ROR1: variants seen among roughly 807,000 people sequenced by gnomAD.
The protein encoded by ROR1 is ROR family WNT receptor 1.
In ROR1, 19 loss-of-function variants were observed where a neutral mutation model predicts 78.8. That is an observed-to-expected ratio of 0.24 (90% CI 0.17 to 0.35). The LOEUF (loss-of-function observed/expected upper bound fraction) is 0.35. ROR1 is among the 10% of genes least tolerant of loss of function. The pLI is 1.00. For missense variants in ROR1, 917 were observed against 1,177.8 expected (o/e 0.78, Z 3.24); for synonymous variants, 386 against 433.6 (o/e 0.89, Z 1.36).
chr1:63,833,082 A>G (rs1644998688), intron 1 of ROR1, among the ~76,000 whole-genome samples: 2 of 152,172 alleles, frequency 1.3e-5, no homozygotes, highest in Admixed American at 1.3e-4. Context: ...TTACTGCACA[A>G]TTTTGCATAG....
chr1:64,036,490 G>A (rs1455717826), intron 2 of ROR1, among the ~76,000 whole-genome samples: 2 of 152,138 alleles, frequency 1.3e-5, no homozygotes, highest in Non-Finnish European at 2.9e-5. Context: ...CTCCCATCAT[G>A]TATTCTCTGT....
At chr1:64,079,697 G>A (rs1647084322) in intron 4 of ROR1, among the ~76,000 whole-genome samples, 1 of 152,120 alleles carries the variant, frequency 6.6e-6, no homozygotes, top group Non-Finnish European at 1.5e-5. Flanking sequence ...GGCCAGGCTG[G>A]TCTTGAACTC....
At chr1:64,059,249 A>T (rs1047184044) in intron 4 of ROR1, among the ~76,000 whole-genome samples, 1 of 152,190 alleles carries the variant, frequency 6.6e-6, no homozygotes, top group Non-Finnish European at 1.5e-5. Flanking sequence ...GTTGGCAAAG[A>T]ACTAACTTTC....
intron 1 of ROR1, among the ~76,000 whole-genome samples, chr1:63,893,939 T>A (rs1342357806): frequency 6.6e-6 from 1 of 152,180 alleles, no homozygotes; most frequent in East Asian, 1.9e-4. Context: ...GCATACGATT[T>A]TTTTCTTTCC....
chr1:63,876,645 GGTGTGTGTGTGTGT>G (rs367954652), intron 1 of ROR1, among the ~76,000 whole-genome samples: 6 of 130,662 alleles, frequency 4.6e-5, no homozygotes, highest in East Asian at 2.1e-4. Context: ...CCACGAAAGG[GGTGTGTGTGTGTGT>G]GTGTGTGTGT....
intron 1 of ROR1, among the ~76,000 whole-genome samples, chr1:63,961,078 C>T (rs1331890856): frequency 6.6e-6 from 1 of 151,892 alleles, no homozygotes; most frequent in African/African-American, 2.4e-5. Flanking sequence ...TCTCTTTTTC[C>T]CTTTCCTTCT....
At chr1:63,872,984 A>C (rs1344324212) in intron 1 of ROR1, among the ~76,000 whole-genome samples, 1 of 152,160 alleles carries the variant, frequency 6.6e-6, no homozygotes, top group African/African-American at 2.4e-5. Context: ...GGGTATTTAC[A>C]TTCCCAGGAT....
chr1:63,924,959 GA>G (rs1359677278), intron 1 of ROR1, among the ~76,000 whole-genome samples: 1 of 107,666 alleles, frequency 9.3e-6, no homozygotes, highest in African/African-American at 3.4e-5. Context: ...TTTTTTTTAA[GA>G]AAAAACTTCC....
At position 64,177,734 on chromosome 1, in the gene ROR1, A is replaced by C. The variant is rs140939080; in HGVS notation, c.1693A>C (p.Ile565Leu). The C allele has an allele frequency of 1.9e-6, 3 of 1,614,096 alleles. No homozygotes were observed. Among genetic ancestry groups the C allele is most frequent in the African/African-American group, 2.7e-5 (2 of 74,940 alleles). Residue 565 changes from isoleucine to leucine, a missense_variant, in exon 9 of 9, where the codon ATC becomes CTC. Around this residue, in one of 3 missense-constraint regions of ROR1, gnomAD observed 835 missense variants for 1,069.8 expected, o/e 0.78. Transcript: ENST00000371079. The stretch of plus-strand genomic sequence containing the variant: ...TCAGGGGGATCTCCATGAGTTCCTC[A>C]TCATGAGATCCCCACACTCTGATGT... ...INQGDLHEFL[I>L]MRSPHSDVGC...
chr1:64,070,285 C>T (rs1646992949), intron 4 of ROR1, among the ~76,000 whole-genome samples: 1 of 152,104 alleles, frequency 6.6e-6, no homozygotes, highest in Non-Finnish European at 1.5e-5. Context: ...GCATTGAAGC[C>T]ATGCATACCT....
chr1:63,914,549 C>T (rs1055816634), intron 1 of ROR1, among the ~76,000 whole-genome samples: 3 of 152,248 alleles, frequency 2.0e-5, no homozygotes, highest in Non-Finnish European at 2.9e-5. Context: ...ACCTGTAAGT[C>T]GAGGTAGGAA....
chr1:63,845,707 T>C (rs553955784), intron 1 of ROR1, among the ~76,000 whole-genome samples: 1 of 152,338 alleles, frequency 6.6e-6, no homozygotes, highest in South Asian at 2.1e-4. Flanking sequence ...TATTGTGTTC[T>C]GATCTCTGAT....
Position 64,177,925 on chromosome 1 carries a change from T to C in ROR1, c.1884T>C (p.His628=), listed in dbSNP as rs1278392022. Residue 628 remains histidine (H), a synonymous_variant, in exon 9 of 9, where the codon CAT becomes CAC. Transcript: ENST00000371079. ...ARNILIGEQL[H]VKISDLGLSR... is the part of the protein sequence containing the mutation. ...ATATTTTAATCGGAGAGCAACTTCA[T>C]GTAAAGATTTCAGACTTGGGGCTTT... 3 of 1,614,114 alleles carry C rather than the reference T, an allele frequency of 1.9e-6. No individual in the cohort carries two copies. The highest frequency in any genetic ancestry group is 3.3e-5 in the Admixed American group (2 of 60,014).
At chr1:64,094,933 A>G (rs1647259685) in intron 4 of ROR1, 2 of 152,258 alleles carry the variant, frequency 1.3e-5, no homozygotes, top group South Asian at 4.2e-4. Flanking sequence ...AAACCAAACA[A>G]TCCTACTGAC....
chr1:64,016,220 A>G (rs1054173403), intron 2 of ROR1, among the ~76,000 whole-genome samples: 1 of 152,184 alleles, frequency 6.6e-6, no homozygotes, highest in African/African-American at 2.4e-5. Context: ...TGAGACTCCA[A>G]TGCTGCGTGA....
In ROR1 at chr1:63,774,518, G is replaced by GCCCGCCGGCC. The variant is rs1644600279; in HGVS notation, c.91+17_91+26dup. ...GGGGCTGCTGCCCAAGGTAAGAGGC[G>GCCCGCCGGCC]CCCGCCGGCCCCCGCCCGCCCAGAC... On this transcript the variant is annotated intron_variant, in intron 1 of 8. Coordinates refer to ENST00000371079, the MANE Select transcript of ROR1 (RefSeq NM_005012.4). This position sits in a 1 kb window ranked among gnomAD's most constrained non-coding sequence, Gnocchi z 5.7. The GCCCGCCGGCC allele has an allele frequency of 9.0e-7, 1 of 1,110,070 alleles. No homozygotes were observed. Among genetic ancestry groups the GCCCGCCGGCC allele is most frequent in the African/African-American group, 1.7e-5 (1 of 60,048 alleles). 68.8% of individuals were successfully genotyped at this position (1,110,070 alleles called of 1,614,324 possible).
chr1:63,828,766 C>G (rs1644969923), intron 1 of ROR1, among the ~76,000 whole-genome samples: 1 of 152,178 alleles, frequency 6.6e-6, no homozygotes, highest in African/African-American at 2.4e-5. Context: ...ATATTAGCTA[C>G]TATTCTCCTC....
chr1:63,923,105 G>A (rs1165727566), intron 1 of ROR1, among the ~76,000 whole-genome samples: 1 of 152,128 alleles, frequency 6.6e-6, no homozygotes, highest in Non-Finnish European at 1.5e-5. Context: ...ATAACCCTGG[G>A]CGACTGATGT....
chr1:63,935,102 G>T (rs1832802), intron 1 of ROR1, among the ~76,000 whole-genome samples: 10 of 145,196 alleles, frequency 6.9e-5, no homozygotes, highest in African/African-American at 2.3e-4. Context: ...GTTTTTTGTT[G>T]CAGTGTAAAA....
Sources: gnomAD v4.1 joint callset for allele counts (sites outside exome capture counted in the v4.1 genomes callset) on GRCh38, gnomAD v4.1.1 for gene constraint, gnomAD v4.1.1 regional missense constraint, Gnocchi (gnomAD v3.1) non-coding constraint, MANE v1.5 for transcripts, NCBI Gene and HGNC (gene_info 2026-07-23, HGNC 2026-07-21) for gene names.